PIK3AP1: variants seen among roughly 807,000 people sequenced by gnomAD.
PIK3AP1 encodes the protein phosphoinositide-3-kinase adaptor protein 1.
A neutral mutation model predicts 88.1 loss-of-function variants in PIK3AP1; 21 were observed. The ratio of observed to expected loss-of-function variants is 0.24; its 90% CI spans 0.17 to 0.34. The LOEUF (loss-of-function observed/expected upper bound fraction) is 0.34, where lower values mean the gene tolerates loss of function less well. Among genes scored for constraint, PIK3AP1 ranks in the 10% least tolerant of loss-of-function variants. PIK3AP1 has a pLI of 1.00. For synonymous variants in PIK3AP1, 398 were observed against 400.0 expected (o/e 1.00, Z 0.06); for missense variants, 828 against 1,035.7 (o/e 0.80, Z 2.75).
At chr10:96,597,659 C>T (rs1300737341) in intron 16 of PIK3AP1, among the ~76,000 whole-genome samples, 1 of 152,132 alleles carries the variant, frequency 6.6e-6, no homozygotes, top group Admixed American at 6.5e-5. Flanking sequence ...AACAGAGGTA[C>T]TGATCCCTAC....
intron 8 of PIK3AP1, among the ~76,000 whole-genome samples, chr10:96,628,899 T>TATATATATATAC (rs1843195959): frequency 6.6e-5 from 1 of 15,242 alleles, no homozygotes; most frequent in South Asian, 2.9e-3. Flanking sequence ...CATATATATA[T>TATATATATATAC]ATATATATGT....
chr10:96,645,104 G>A (rs1488015113), intron 8 of PIK3AP1, among the ~76,000 whole-genome samples: 4 of 152,120 alleles, frequency 2.6e-5, no homozygotes, highest in Non-Finnish European at 5.9e-5. Flanking sequence ...AATTTTATAT[G>A]TAGGTAGGTT....
intron 2 of PIK3AP1, among the ~76,000 whole-genome samples, chr10:96,666,310 T>G (rs1017164734): frequency 6.6e-6 from 1 of 151,992 alleles, no homozygotes; most frequent in African/African-American, 2.4e-5. Flanking sequence ...TCCCAGCTAC[T>G]CGGGAGGCTG....
intron 2 of PIK3AP1, among the ~76,000 whole-genome samples, chr10:96,707,584 C>T (rs964965227): frequency 1.1e-4 from 17 of 152,154 alleles, no homozygotes; most frequent in African/African-American, 3.1e-4. Context: ...TGCACCACTG[C>T]GCCCAGCCAC....
chr10:96,720,277 G>C lies in PIK3AP1; in HGVS notation c.13+105C>G. ...AGAGCAGAAAGAGGGCAAGATCCCC[G>C]CACAGAGGACGCAAACAGAAGCAAG... On this transcript the variant is annotated intron_variant, in intron 1 of 16. Coordinates refer to ENST00000339364, the MANE Select transcript of PIK3AP1 (RefSeq NM_152309.3). This position sits in a 1 kb window ranked among gnomAD's most constrained non-coding sequence, Gnocchi z 4.6. 12 of 1,108,368 alleles carry C rather than the reference G, an allele frequency of 1.1e-5. No individual in the cohort carries two copies. Among genetic ancestry groups the C allele is most frequent in the Non-Finnish European group, 1.4e-5 (12 of 869,096 alleles). 68.7% of individuals were successfully genotyped at this position (1,108,368 alleles called of 1,614,324 possible).
intron 2 of PIK3AP1, among the ~76,000 whole-genome samples, chr10:96,686,689 C>G (rs1844072959): frequency 6.6e-6 from 1 of 152,066 alleles, no homozygotes; most frequent in Admixed American, 6.6e-5. Context: ...CTTTATGCCC[C>G]GACCATCCTC....
rs112653116 is a variant in PIK3AP1, at chr10:96,692,083, T to A, written c.430+17484A>T. Among the ~76,000 whole-genome samples, 102 of 152,332 alleles carry A rather than the reference T, an allele frequency of 6.7e-4. 1 individual carries two copies. The highest frequency in any genetic ancestry group is 2.3e-3 in the African/African-American group (97 of 41,580). ...TGATGAAAGTGATGTTGGAAAACTGTATCACAAGTAAAGCTGCTGACAGTT... is the reference window on the plus strand; with the variant it reads ...TGATGAAAGTGATGTTGGAAAACTGAATCACAAGTAAAGCTGCTGACAGTT... On this transcript the variant is annotated intron_variant, in intron 2 of 16. Transcript: ENST00000339364.
chr10:96,682,898 A>G (rs1844021871), intron 2 of PIK3AP1, among the ~76,000 whole-genome samples: 1 of 152,184 alleles, frequency 6.6e-6, no homozygotes, highest in Non-Finnish European at 1.5e-5. Context: ...TTAAAAATCT[A>G]TTTTGAAAAA....
intron 8 of PIK3AP1, among the ~76,000 whole-genome samples, chr10:96,630,660 C>A: frequency 6.6e-6 from 1 of 151,306 alleles, no homozygotes; most frequent in Admixed American, 6.6e-5. Flanking sequence ...CACACAGAAA[C>A]CCTGTCTCTA....
At chr10:96,699,255 T>C (rs1844262217) in intron 2 of PIK3AP1, among the ~76,000 whole-genome samples, 1 of 152,212 alleles carries the variant, frequency 6.6e-6, no homozygotes, top group South Asian at 2.1e-4. Context: ...AACATTCTTT[T>C]TGAGCTTCAC....
intron 3 of PIK3AP1, among the ~76,000 whole-genome samples, chr10:96,653,479 CTTTTTTT>C (rs748930022): frequency 1.6e-5 from 1 of 61,858 alleles, no homozygotes; most frequent in Non-Finnish European, 2.9e-5. Context: ...ACTTTATACA[CTTTTTTT>C]TTTTTTTTTT....
chr10:96,615,658 A>G (rs543703565), intron 13 of PIK3AP1, among the ~76,000 whole-genome samples: 50 of 152,294 alleles, frequency 3.3e-4, no homozygotes, highest in Admixed American at 7.2e-4. Flanking sequence ...ACCATGGCCT[A>G]GAGTGGTCCA....
intron 3 of PIK3AP1, among the ~76,000 whole-genome samples, chr10:96,655,640 T>C (rs1843604774): frequency 6.6e-6 from 1 of 152,052 alleles, no homozygotes; most frequent in South Asian, 2.1e-4. Context: ...TGGGAGGTGA[T>C]TGAATTATGG....
chr10:96,633,143 C>A lies in PIK3AP1; in HGVS notation c.1376-4650G>T, dbSNP rs999767415. ...ATGAGAGGTATGCCAGAGTCAATGC[C>A]CTCAGGAAAGCCCAAAGAATGCTGT... On this transcript the variant is annotated intron_variant, in intron 8 of 16. Transcript: ENST00000339364. 4.2e-6 allele frequency: 6 copies of A among 1,428,144 alleles called. No homozygotes were observed. The Admixed American group carries it at 7.7e-5, about 18-fold the overall frequency. The allele number at this position is 1,428,144 out of a possible 1,614,324, so 88.5% of individuals were successfully genotyped here.
chr10:96,677,282 C>T (rs1468777491), intron 2 of PIK3AP1, among the ~76,000 whole-genome samples: 2 of 152,072 alleles, frequency 1.3e-5, no homozygotes, highest in African/African-American at 4.8e-5. Context: ...TGCATTTATC[C>T]TTCCCACCAA....
intron 2 of PIK3AP1, among the ~76,000 whole-genome samples, chr10:96,673,437 A>C (rs1370276199): frequency 6.6e-6 from 1 of 152,182 alleles, no homozygotes; most frequent in Non-Finnish European, 1.5e-5. Context: ...GGAGGCCTGC[A>C]GGCCCCTGTT....
chr10:96,663,433 C>T (rs1843719948), intron 2 of PIK3AP1, among the ~76,000 whole-genome samples: 1 of 151,604 alleles, frequency 6.6e-6, no homozygotes, highest in Admixed American at 6.6e-5. Flanking sequence ...AGTTCAAGAC[C>T]AGCCTGGCCA....
At chr10:96,715,008 C>G (rs999625611) in intron 1 of PIK3AP1, among the ~76,000 whole-genome samples, 1 of 146,926 alleles carries the variant, frequency 6.8e-6, no homozygotes. Context: ...GAGTTCTTTC[C>G]AAAGAGCACA....
rs190696279 is a variant in PIK3AP1, at chr10:96,653,886, T to C, written c.568-1044A>G. Among the ~76,000 whole-genome samples the C allele has an allele frequency of 3.9e-5, 6 of 152,374 alleles. No individual in the cohort carries two copies. In the East Asian group the frequency reaches 1.2e-3, roughly 29 times the overall value. On this transcript the variant is annotated intron_variant, in intron 3 of 16. Transcript: ENST00000339364. ...TCAGAATTGGACATCTTTTTAGAAG[T>C]CCTTCGCCACAGATAGCTTGAGAAG... is the stretch of plus-strand genomic sequence containing the variant.
Sources: allele counts gnomAD v4.1 joint callset (sites outside exome capture counted in the v4.1 genomes callset), GRCh38; gene constraint gnomAD v4.1.1; non-coding constraint Gnocchi (gnomAD v3.1); transcripts MANE v1.5; gene names NCBI Gene and HGNC (gene_info 2026-07-23, HGNC 2026-07-21).